The following SDK2 variants were observed in gnomAD, a reference collection of about 807,000 sequenced individuals.
SDK2 encodes the protein protein sidekick-2.
A neutral mutation model predicts 253.9 loss-of-function variants in SDK2; 105 were observed. The ratio of observed to expected loss-of-function variants is 0.41; its 90% CI spans 0.35 to 0.49. The LOEUF (loss-of-function observed/expected upper bound fraction) is 0.49, where lower values mean the gene tolerates loss of function less well. Ranked by LOEUF, SDK2 falls within the 20% of genes least tolerant of loss-of-function variation. The pLI is 0.06. For synonymous variants in SDK2, 1,249 were observed against 1,234.9 expected (o/e 1.01, Z -0.24); for missense variants, 2,608 against 3,003.0 (o/e 0.87, Z 3.07).
intron 27 of SDK2, among the ~76,000 whole-genome samples, chr17:73,393,112 G>A (rs568692813): frequency 4.6e-5 from 7 of 151,812 alleles, no homozygotes; most frequent in Non-Finnish European, 1.0e-4. Context: ...GGGTGTGGTG[G>A]CCAGCGCCTG....
chr17:73,422,536 A>T, intron 14 of SDK2, 102 bp from the exon 15 acceptor site: 1 of 1,340,554 alleles, frequency 7.5e-7, no homozygotes, highest in Non-Finnish European at 1.0e-6. Context: ...TGGGGCTGGC[A>T]AGAGAGAGCC....
At chr17:73,390,136 G>C (rs1347810364) in intron 29 of SDK2, 151 bp downstream of exon 29, 5 of 677,524 alleles carry the variant, frequency 7.4e-6, no homozygotes, top group Non-Finnish European at 1.2e-5. Context: ...TAGACCCCTT[G>C]CTGACTTTGA....
intron 1 of SDK2, among the ~76,000 whole-genome samples, chr17:73,608,678 G>A (rs1247862803): frequency 2.6e-5 from 4 of 152,118 alleles, no homozygotes; most frequent in African/African-American, 4.8e-5. Flanking sequence ...CCTGACCTCA[G>A]GTGATCCACC....
chr17:73,379,545 C>A lies in SDK2; in HGVS notation c.4767G>T (p.Leu1589=). 3 of 1,609,144 alleles carry A rather than the reference C, an allele frequency of 1.9e-6. No individual in the cohort carries two copies. Among genetic ancestry groups the A allele is most frequent in the Admixed American group, 1.7e-5 (1 of 59,682 alleles). The change falls in exon 35 of 45, where the codon CTG becomes CTT. Residue 1589 remains leucine, a synonymous_variant. Transcript: ENST00000392650. This position sits in a 1 kb window ranked among gnomAD's most constrained non-coding sequence, Gnocchi z 4.5. The stretch of plus-strand genomic sequence containing the variant: ...GTATCTCGTACCGCCTGTGCTTGTT[C>A]AGGTCTGTGGGGGAGAGTGGGGGAG... The part of the protein sequence containing the change: ...PSLTQYELDN[L]NKHRRYEIRM...
rs1469225924 is a variant in SDK2, at chr17:73,395,150, G to A, written c.3592+5C>T. The A allele has an allele frequency of 1.3e-6, 2 of 1,577,126 alleles. No homozygotes were observed. Among genetic ancestry groups the A allele is most frequent in the Admixed American group, 1.8e-5 (1 of 54,894 alleles). ...GCAGGGTGGCTGGGTGTGAGGGGTT[G>A]GTACCTGACTCCCGGGTCCTGCCCA... On this transcript the variant is annotated splice_donor_5th_base_variant and intron_variant, in intron 25 of 44. Transcript: ENST00000392650. The surrounding 1 kb of genome is among the most constrained non-coding windows in gnomAD (Gnocchi z 4.3).
intron 1 of SDK2, among the ~76,000 whole-genome samples, chr17:73,626,351 T>C (rs1444158427): frequency 6.6e-6 from 1 of 152,108 alleles, no homozygotes; most frequent in Non-Finnish European, 1.5e-5. Flanking sequence ...CAAGGAAACC[T>C]CCACCCCCAC....
At chr17:73,469,999 C>CACAT (rs1187181147) in intron 3 of SDK2, among the ~76,000 whole-genome samples, 3 of 146,562 alleles carry the variant, frequency 2.0e-5, no homozygotes, top group Non-Finnish European at 4.5e-5. Flanking sequence ...CGCGCACACA[C>CACAT]ACACACACAC....
intron 1 of SDK2, among the ~76,000 whole-genome samples, chr17:73,593,027 C>G (rs950591794): frequency 7.0e-6 from 1 of 142,514 alleles, no homozygotes; most frequent in African/African-American, 2.5e-5. Context: ...GTCCAGCCAG[C>G]TCATTCCCCA....
intron 12 of SDK2, among the ~76,000 whole-genome samples, chr17:73,428,995 T>C (rs535757009): frequency 1.3e-5 from 2 of 152,350 alleles, no homozygotes; most frequent in South Asian, 2.1e-4. Flanking sequence ...AGAGTGGGTC[T>C]GCAGGTTACT....
chr17:73,459,120 C>T (rs1030436807), intron 3 of SDK2, among the ~76,000 whole-genome samples: 2 of 152,182 alleles, frequency 1.3e-5, no homozygotes, highest in African/African-American at 4.8e-5. Context: ...CCCTTCCCTG[C>T]CCCCACCAAG....
chr17:73,430,091 C>G (rs1235171397), intron 12 of SDK2, among the ~76,000 whole-genome samples: 1 of 152,214 alleles, frequency 6.6e-6, no homozygotes, highest in Non-Finnish European at 1.5e-5. Flanking sequence ...CCAGACCCCT[C>G]TGCTGCCCAT....
Position 73,379,610 on chromosome 17 carries a change from T to C in SDK2, c.4763-61A>G. ...GGTCACCGTCATTGCTGGGAAGGTG[T>C]CCCCAGGGAGGGTGGAGGCTGCAGG... On this transcript the variant is annotated intron_variant, in intron 34 of 44. Coordinates refer to ENST00000392650, the MANE Select transcript of SDK2 (RefSeq NM_001144952.2). This position sits in a 1 kb window ranked among gnomAD's most constrained non-coding sequence, Gnocchi z 4.5. 9.7e-7 allele frequency: 1 copy of C among 1,034,644 alleles called. No individual in the cohort carries two copies. Among genetic ancestry groups the C allele is most frequent in the Non-Finnish European group, 1.5e-6 (1 of 684,998 alleles). The allele number at this position is 1,034,644 out of a possible 1,614,324, so 64.1% of individuals were successfully genotyped here.
chr17:73,503,567 G>GA (rs1043763226), intron 2 of SDK2, among the ~76,000 whole-genome samples: 2 of 152,088 alleles, frequency 1.3e-5, no homozygotes, highest in African/African-American at 2.4e-5. Context: ...ACTAAGATTT[G>GA]AAAAAAATCA....
rs149610181 is a variant in SDK2, at chr17:73,353,451, G to A, written c.5594-814C>T. Among the ~76,000 whole-genome samples, 872 of 152,152 alleles carry A rather than the reference G, an allele frequency of 5.7e-3. 6 individuals are homozygous for A. The highest frequency in any genetic ancestry group is 9.5e-3 in the Non-Finnish European group (647 of 68,002). ...TTTCTTTGTTTCGAGACAGAGTTTC[G>A]CTCTTGTTGCCCAGGCTGGAGTGCA... On this transcript the variant is annotated intron_variant, in intron 40 of 44. Coordinates refer to ENST00000392650, the MANE Select transcript of SDK2 (RefSeq NM_001144952.2).
intron 1 of SDK2, among the ~76,000 whole-genome samples, chr17:73,572,889 G>T (rs1031971843): frequency 6.6e-6 from 1 of 152,142 alleles, no homozygotes. Context: ...CTCCCGGGGA[G>T]CCTCCCAGCG....
In SDK2 at chr17:73,350,860, G is replaced by A. The variant is rs1418749562; in HGVS notation, c.5759-70C>T. The A allele has an allele frequency of 2.7e-6, 4 of 1,492,866 alleles. No homozygotes were observed. The Middle Eastern group carries it at 6.9e-4, about 257-fold the overall frequency. 92.5% of individuals were successfully genotyped at this position (1,492,866 alleles called of 1,614,324 possible). A position where few individuals can be genotyped will look rare whatever the true frequency, so the allele number is the denominator to read the frequency against. On this transcript the variant is annotated intron_variant, in intron 41 of 44. Transcript: ENST00000392650. ...TCCCTCCAAATCTCCTGCTCCAGTT[G>A]GGACCCTACTAACTGCTACAATCTA...
rs2046051181 is a variant in SDK2 at position 73,616,033 on chromosome 17, G to A, written c.64+27992C>T. On this transcript the variant is annotated intron_variant, in intron 1 of 44. Transcript: ENST00000392650. The surrounding 1 kb of genome is among the most constrained non-coding windows in gnomAD (Gnocchi z 5.2). ...TGTAGACACATATGCATATACACAT[G>A]AACACACATACACACACGTACACAC... is the stretch of plus-strand genomic sequence containing the variant. Among the ~76,000 whole-genome samples, 1 of 151,950 alleles carries A rather than the reference G, an allele frequency of 6.6e-6. No homozygotes were observed. The highest frequency in any genetic ancestry group is 1.9e-4 in the East Asian group (1 of 5,196).
chr17:73,412,037 T>C (rs373807517), intron 18 of SDK2, among the ~76,000 whole-genome samples: 43 of 4,320 alleles, frequency 1.0e-2, no homozygotes, highest in Non-Finnish European at 0.016. Flanking sequence ...TATATATACG[T>C]ATATATATGT....
chr17:73,560,171 G>A (rs1009489081), intron 1 of SDK2, among the ~76,000 whole-genome samples: 1 of 152,190 alleles, frequency 6.6e-6, no homozygotes, highest in African/African-American at 2.4e-5. Flanking sequence ...CTAAAAGGAT[G>A]CAGTCACTCC....
Sources: gnomAD v4.1 joint callset for allele counts (sites outside exome capture counted in the v4.1 genomes callset) on GRCh38, gnomAD v4.1.1 for gene constraint, Gnocchi (gnomAD v3.1) non-coding constraint, MANE v1.5 for transcripts, NCBI Gene and HGNC (gene_info 2026-07-23, HGNC 2026-07-21) for gene names.